BMPR1B: variants seen among roughly 807,000 people sequenced by gnomAD.
BMPR1B encodes bone morphogenetic protein receptor type 1B, also known as bone morphogenetic protein receptor type-1B.
A neutral mutation model predicts 59.1 loss-of-function variants in BMPR1B; 12 were observed. That is an observed-to-expected ratio of 0.20 (90% CI 0.13 to 0.33). BMPR1B has a LOEUF of 0.33. Ranked by LOEUF, BMPR1B falls within the 10% of genes least tolerant of loss-of-function variation. The probability of loss-of-function intolerance (pLI) is 1.00; values close to 1 mark genes in which losing one functional copy is unlikely to be tolerated. For synonymous variants in BMPR1B, 237 were observed against 207.3 expected, an observed-to-expected ratio of 1.14 and a Z score of -1.23; for missense variants, 550 against 610.9, an observed-to-expected ratio of 0.90 and a Z score of 1.05.
chr4:94,843,828 T>G (rs1725201295), intron 1 of BMPR1B, among the ~76,000 whole-genome samples: 1 of 152,148 alleles, frequency 6.6e-6, no homozygotes, highest in African/African-American at 2.4e-5. Flanking sequence ...CCTCCTTGAT[T>G]TTGGGTACTC....
At chr4:94,759,036 T>G (rs561651538) in intron 1 of BMPR1B, among the ~76,000 whole-genome samples, 11 of 152,288 alleles carry the variant, frequency 7.2e-5, no homozygotes, top group Admixed American at 4.6e-4. Flanking sequence ...GCTCCGTGTT[T>G]CCGCCTGTGT....
chr4:95,037,975 T>C (rs1192026875), intron 3 of BMPR1B, among the ~76,000 whole-genome samples: 1 of 151,996 alleles, frequency 6.6e-6, no homozygotes, highest in African/African-American at 2.4e-5. Flanking sequence ...AAGCAAATTA[T>C]GTAGTAGTTA....
In BMPR1B at chr4:95,154,746, A is replaced by G. The variant is rs183489869; in HGVS notation, c.*73A>G. 1.1e-5 allele frequency: 18 copies of G among 1,586,790 alleles called. No homozygotes were observed. Among genetic ancestry groups the G allele is most frequent in the Admixed American group, 6.7e-5 (4 of 59,846 alleles). On this transcript the variant is annotated 3_prime_UTR_variant, in exon 13 of 13. Transcript: ENST00000515059. ...TCTGTTTGTGGGCAGAGCAAAAGAC[A>G]TCAAATAAGCATCCACAGTACAAGC...
At chr4:94,846,107 A>C (rs1048639923) in intron 1 of BMPR1B, among the ~76,000 whole-genome samples, 1 of 152,224 alleles carries the variant, frequency 6.6e-6, no homozygotes, top group Non-Finnish European at 1.5e-5. Flanking sequence ...CTGGCATAAA[A>C]ACAGATACAT....
intron 3 of BMPR1B, among the ~76,000 whole-genome samples, chr4:95,045,329 T>C (rs1725963375): frequency 6.6e-6 from 1 of 152,204 alleles, no homozygotes; most frequent in Non-Finnish European, 1.5e-5. Flanking sequence ...GCTGTCAGTT[T>C]GCACAATGGA....
At chr4:95,154,130 G>A (rs1296639294) in intron 12 of BMPR1B, among the ~76,000 whole-genome samples, 6 of 152,198 alleles carry the variant, frequency 3.9e-5, no homozygotes, top group Non-Finnish European at 1.5e-5. Flanking sequence ...GTTAAATGGT[G>A]CAGTGTGATG....
chr4:94,770,073 C>G (rs1553903512), intron 1 of BMPR1B, among the ~76,000 whole-genome samples: 1 of 152,126 alleles, frequency 6.6e-6, no homozygotes, highest in Non-Finnish European at 1.5e-5. Flanking sequence ...TTGCAGCCCT[C>G]ACCTGTCTAG....
In BMPR1B at chr4:94,810,238, G is replaced by A. The variant is rs140981421; in HGVS notation, c.-183+52170G>A. On this transcript the variant is annotated intron_variant, in intron 1 of 12. Coordinates refer to ENST00000515059, the MANE Select transcript of BMPR1B (RefSeq NM_001203.3). ...ATTTTTACTGTTTTTTGTTAGAGAC[G>A]TGCTACAATTGGTTTAACATTTATT... Among the ~76,000 whole-genome samples the A allele has an allele frequency of 5.9e-5, 9 of 152,236 alleles. No individual in the cohort carries two copies. The East Asian group carries it at 1.4e-3, about 23-fold the overall frequency.
chr4:95,058,601 A>G (rs975247897), intron 3 of BMPR1B, among the ~76,000 whole-genome samples: 1 of 152,178 alleles, frequency 6.6e-6, no homozygotes, highest in Non-Finnish European at 1.5e-5. Context: ...TCTACCTTCA[A>G]TACAAGCTAT....
intron 1 of BMPR1B, among the ~76,000 whole-genome samples, chr4:94,847,901 T>TA (rs1411389242): frequency 2.6e-5 from 4 of 152,050 alleles, no homozygotes; most frequent in Non-Finnish European, 5.9e-5. Flanking sequence ...TATTGTACAT[T>TA]AAAAAAACTA....
At chr4:94,903,438 C>T (rs1047848279) in intron 2 of BMPR1B, among the ~76,000 whole-genome samples, 14 of 150,504 alleles carry the variant, frequency 9.3e-5, no homozygotes, top group African/African-American at 3.4e-4. Context: ...TAAATTGCCT[C>T]AAAAGTCTTT....
chr4:95,080,660 G>T (rs1453531661), intron 3 of BMPR1B, among the ~76,000 whole-genome samples: 1 of 152,132 alleles, frequency 6.6e-6, no homozygotes, highest in African/African-American at 2.4e-5. Context: ...CATTTGCACT[G>T]ATAATAAACA....
intron 10 of BMPR1B, among the ~76,000 whole-genome samples, chr4:95,133,330 G>C (rs1180886823): frequency 1.3e-5 from 2 of 152,078 alleles, no homozygotes; most frequent in South Asian, 4.1e-4. Context: ...CTGTGGCTTC[G>C]TATTAAAATG....
chr4:95,144,719 A>G (rs1202735098), intron 10 of BMPR1B, among the ~76,000 whole-genome samples: 2 of 152,166 alleles, frequency 1.3e-5, no homozygotes, highest in Non-Finnish European at 1.5e-5. Flanking sequence ...TACTCTTATA[A>G]TTCTCTGAAC....
At chr4:94,962,049 C>CTTTCTTTCT (rs147630671) in intron 2 of BMPR1B, among the ~76,000 whole-genome samples, 2 of 149,732 alleles carry the variant, frequency 1.3e-5, no homozygotes, top group African/African-American at 2.5e-5. Flanking sequence ...TTTATTCTTT[C>CTTTCTTTCT]TTTCTTTCTT....
chr4:94,932,153 T>A (rs939409251), intron 2 of BMPR1B, among the ~76,000 whole-genome samples: 1 of 152,146 alleles, frequency 6.6e-6, no homozygotes, highest in Admixed American at 6.5e-5. Context: ...TTTGGTTCCT[T>A]ACTTTTCTCC....
intron 3 of BMPR1B, among the ~76,000 whole-genome samples, chr4:95,059,446 G>A (rs959008525): frequency 1.3e-5 from 2 of 152,186 alleles, no homozygotes; most frequent in Middle Eastern, 3.4e-3. Context: ...GAGTCTAAAG[G>A]AGAAAGAGCC....
chr4:95,098,651 A>G (rs925590253), intron 3 of BMPR1B, among the ~76,000 whole-genome samples: 2 of 151,938 alleles, frequency 1.3e-5, no homozygotes, highest in African/African-American at 4.8e-5. Context: ...GAGTCTCCCC[A>G]GGTTCATTCT....
chr4:94,907,364 A>G (rs1233645904), intron 2 of BMPR1B, among the ~76,000 whole-genome samples: 1 of 152,088 alleles, frequency 6.6e-6, no homozygotes, highest in Non-Finnish European at 1.5e-5. Context: ...ATGCTATGTT[A>G]ACAGGAATCA....
Sources: allele counts gnomAD v4.1 joint callset (sites outside exome capture counted in the v4.1 genomes callset), GRCh38; gene constraint gnomAD v4.1.1; transcripts MANE v1.5; gene names NCBI Gene and HGNC (gene_info 2026-07-23, HGNC 2026-07-21).